DOCK10: variants seen among roughly 807,000 people sequenced by gnomAD.
The protein encoded by DOCK10 is dedicator of cytokinesis protein 10.
A neutral mutation model predicts 280.1 loss-of-function variants in DOCK10; 145 were observed. That is an observed-to-expected ratio of 0.52 (90% confidence interval 0.45 to 0.59). The LOEUF (loss-of-function observed/expected upper bound fraction) is 0.59, where lower values mean the gene tolerates loss of function less well. Among genes scored for constraint, DOCK10 ranks in the 20% least tolerant of loss-of-function variants. The pLI is 0.00. For synonymous variants in DOCK10, 915 were observed against 942.2 expected, an observed-to-expected ratio of 0.97 and a Z score of 0.53; for missense variants, 2,368 against 2,651.7, an observed-to-expected ratio of 0.89 and a Z score of 2.35.
At chr2:224,885,153 C>T (rs1434326814) in intron 7 of DOCK10, among the ~76,000 whole-genome samples, 1 of 152,190 alleles carries the variant, frequency 6.6e-6, no homozygotes, top group African/African-American at 2.4e-5. Flanking sequence ...GCCTGTGCCA[C>T]CGCATCTGGC....
In DOCK10 at chr2:224,778,214, A is replaced by T; in HGVS notation, c.5726T>A (p.Ile1909Asn). ...KEPKLTGLSE[I>N]SQRLLKLYAD... ...ATAGAGCTTGAGTAATCTTTGGGAA[A>T]TCTCGGACAGACCTGTCAGCTTAGG... Residue 1909 changes from isoleucine to asparagine, a missense_variant, in exon 51 of 56, where the codon ATT becomes AAT. By Grantham distance (149) the Ile-to-Asn change is moderately radical. This residue lies in a region of DOCK10 where 1,159 missense variants were observed against 1,400.8 expected (regional missense o/e 0.83). Transcript: ENST00000258390. The T allele has an allele frequency of 3.7e-6, 6 of 1,612,604 alleles. No homozygotes were observed. Among genetic ancestry groups the T allele is most frequent in the Non-Finnish European group, 5.1e-6 (6 of 1,179,064 alleles).
intron 1 of DOCK10, among the ~76,000 whole-genome samples, chr2:225,029,170 T>C (rs192441429): frequency 6.6e-5 from 10 of 152,200 alleles, no homozygotes; most frequent in African/African-American, 2.2e-4. Flanking sequence ...TTTTATTTTA[T>C]TTATTTATTT....
At chr2:224,778,416 T>C (rs17271504) in intron 50 of DOCK10, 132 bp from the exon 51 acceptor site, 12,233 of 841,666 alleles carry the variant, frequency 0.015, 148 homozygotes, top group Middle Eastern at 0.039. Flanking sequence ...TAACACCCTA[T>C]AAAATTCAAA....
chr2:225,005,574 C>T (rs552441301), intron 1 of DOCK10, among the ~76,000 whole-genome samples: 10 of 152,132 alleles, frequency 6.6e-5, no homozygotes, highest in South Asian at 2.1e-4. Context: ...TATTCTTTGA[C>T]GTAAACAGGA....
chr2:224,948,437 A>C (rs1012931790), intron 1 of DOCK10, among the ~76,000 whole-genome samples: 7 of 152,342 alleles, frequency 4.6e-5, no homozygotes, highest in Middle Eastern at 3.4e-3. Flanking sequence ...AAATTCCACC[A>C]TATGTCTTTA....
chr2:224,777,963 G>A (rs1690992342), intron 51 of DOCK10, among the ~76,000 whole-genome samples, 175 bp downstream of exon 51: 1 of 152,140 alleles, frequency 6.6e-6, no homozygotes, highest in Non-Finnish European at 1.5e-5. Context: ...CACATATAAT[G>A]TTTTTGACCC....
chr2:225,010,826 G>T (rs577087639), intron 1 of DOCK10, among the ~76,000 whole-genome samples: 1 of 152,208 alleles, frequency 6.6e-6, no homozygotes, highest in South Asian at 2.1e-4. Context: ...CTTTTCCAAG[G>T]AAGCATTCAG....
At chr2:224,797,230 C>T (rs1226985573) in intron 42 of DOCK10, 84 bp from the exon 43 acceptor site, 4 of 1,006,972 alleles carry the variant, frequency 4.0e-6, no homozygotes, top group Non-Finnish European at 5.4e-6. Context: ...TTCCCTAAAA[C>T]AAAATCCCTC....
At chr2:224,779,599 A>T (rs992898550) in intron 50 of DOCK10, among the ~76,000 whole-genome samples, 1 of 152,194 alleles carries the variant, frequency 6.6e-6, no homozygotes, top group Non-Finnish European at 1.5e-5. Context: ...CATATTAAAA[A>T]ATCAGTTTTG....
intron 1 of DOCK10, among the ~76,000 whole-genome samples, chr2:224,931,893 A>T (rs10498171): frequency 0.29 from 44,508 of 151,992 alleles, 7,120 homozygotes; most frequent in Middle Eastern, 0.36. Flanking sequence ...TCCCTCAGAA[A>T]TTCAAGCTGT....
rs199981859 is a variant in DOCK10, at chr2:224,952,594, T to TA, written c.124-20927_124-20926insT. Among the ~76,000 whole-genome samples, 621 of 71,780 alleles carry TA rather than the reference T, an allele frequency of 8.7e-3. 3 individuals carry two copies. The highest frequency in any genetic ancestry group is 0.026 in the African/African-American group (442 of 16,720). The allele number at this position is 71,780 out of a possible 152,430, so 47.1% of individuals were successfully genotyped here. A position where few individuals can be genotyped will look rare whatever the true frequency, so the allele number is the denominator to read the frequency against. ...CTTTTTAAATGCTCAATTATGTTAT[T>TA]TTTTTTTTTTTTTTTTGAGACGGAG... is the stretch of plus-strand genomic sequence containing the variant. On this transcript the variant is annotated intron_variant, in intron 1 of 55. Coordinates refer to ENST00000258390, the MANE Select transcript of DOCK10 (RefSeq NM_014689.3).
intron 1 of DOCK10, among the ~76,000 whole-genome samples, chr2:225,039,455 T>C (rs1469930967): frequency 1.3e-5 from 2 of 152,244 alleles, no homozygotes; most frequent in Non-Finnish European, 2.9e-5. Flanking sequence ...TGTTCATTAC[T>C]GTTCTTGGGA....
chr2:224,806,311 C>T (rs556448697), intron 33 of DOCK10, 74 bp from the exon 34 acceptor site: 46 of 724,464 alleles, frequency 6.3e-5, no homozygotes, highest in East Asian at 4.6e-4. Context: ...ATGCCTTCTT[C>T]GTTACACTTC....
chr2:224,894,000 G>T (rs912355918), intron 4 of DOCK10, among the ~76,000 whole-genome samples: 5 of 152,104 alleles, frequency 3.3e-5, no homozygotes, highest in Admixed American at 1.3e-4. Context: ...TCATTGTTCT[G>T]GGGTATATCT....
intron 4 of DOCK10, among the ~76,000 whole-genome samples, chr2:224,891,635 C>A (rs1372047683): frequency 2.6e-5 from 4 of 151,942 alleles, no homozygotes; most frequent in Non-Finnish European, 4.4e-5. Flanking sequence ...CAGAGAATAC[C>A]AATGAAGTCA....
At chr2:224,833,775 T>C (rs1269010384) in intron 26 of DOCK10, among the ~76,000 whole-genome samples, 1 of 152,054 alleles carries the variant, frequency 6.6e-6, no homozygotes, top group Non-Finnish European at 1.5e-5. Flanking sequence ...GCCTCCTGAG[T>C]AGCTGGGATT....
chr2:224,794,833 A>G, intron 45 of DOCK10, 46 bp downstream of exon 45: 1 of 1,586,444 alleles, frequency 6.3e-7, no homozygotes. Flanking sequence ...TTTTCCTGAT[A>G]AAGAGGACAA....
intron 24 of DOCK10, 21 bp from the exon 25 acceptor site, chr2:224,837,852 A>G: frequency 1.2e-6 from 2 of 1,610,070 alleles, no homozygotes; most frequent in Middle Eastern, 3.3e-4. Flanking sequence ...AAAGCTGTTC[A>G]GTGGCCTTTC....
chr2:224,819,629 A>G, intron 28 of DOCK10, 100 bp from the exon 29 acceptor site: 1 of 741,572 alleles, frequency 1.3e-6, no homozygotes, highest in South Asian at 2.3e-5. Context: ...ATAACACTAA[A>G]CTAAATGTGT....
Sources: allele counts gnomAD v4.1 joint callset (sites outside exome capture counted in the v4.1 genomes callset), GRCh38; gene constraint gnomAD v4.1.1; regional missense constraint gnomAD v4.1.1; transcripts MANE v1.5; gene names NCBI Gene and HGNC (gene_info 2026-07-23, HGNC 2026-07-21).